Variants in DCDC1 observed in about 807,000 individuals in gnomAD.
DCDC1 encodes the protein doublecortin domain-containing protein 1.
In DCDC1, 200 loss-of-function variants were observed where a neutral mutation model predicts 178.3. That is an observed-to-expected ratio of 1.12 (90% confidence interval 1.00 to 1.26). The LOEUF (loss-of-function observed/expected upper bound fraction) is 1.26. DCDC1 is among the 50% of genes most tolerant of loss of function. DCDC1 has a pLI of 0.00. For missense variants in DCDC1, 1,983 were observed against 1,749.2 expected (o/e 1.13, Z -2.38); for synonymous variants, 690 against 604.8 (o/e 1.14, Z -2.07).
intron 9 of DCDC1, among the ~76,000 whole-genome samples, chr11:31,171,266 A>G (rs1197809065): frequency 6.6e-6 from 1 of 152,076 alleles, no homozygotes; most frequent in Non-Finnish European, 1.5e-5. Flanking sequence ...AGTGTTTTCA[A>G]TTTTTCTGGC....
At chr11:31,271,426 A>G (rs889709878) in intron 7 of DCDC1, among the ~76,000 whole-genome samples, 2 of 152,182 alleles carry the variant, frequency 1.3e-5, no homozygotes, top group Non-Finnish European at 2.9e-5. Flanking sequence ...CTTGAAAATT[A>G]AATCTCCCCA....
chr11:31,256,632 C>T (rs1247351320), intron 8 of DCDC1, among the ~76,000 whole-genome samples: 2 of 152,060 alleles, frequency 1.3e-5, no homozygotes, highest in Non-Finnish European at 2.9e-5. Context: ...TGTTTGTTTG[C>T]CTTTAACTTC....
chr11:30,878,052 G>A (rs558511608), intron 38 of DCDC1, among the ~76,000 whole-genome samples: 5 of 152,120 alleles, frequency 3.3e-5, no homozygotes, highest in African/African-American at 9.6e-5. Flanking sequence ...AAAATCCACC[G>A]AAGATAGTTA....
chr11:30,943,201 T>TA (rs1326639836), intron 21 of DCDC1: 1 of 152,334 alleles, frequency 6.6e-6, no homozygotes, highest in African/African-American at 2.4e-5. Context: ...TTTTTTTTTT[T>TA]ATCTCTCTCT....
At chr11:31,042,617 T>C (rs1954541230) in intron 20 of DCDC1, among the ~76,000 whole-genome samples, 1 of 152,180 alleles carries the variant, frequency 6.6e-6, no homozygotes, top group African/African-American at 2.4e-5. Flanking sequence ...CTATGACCGC[T>C]TCACACTAGT....
intron 20 of DCDC1, among the ~76,000 whole-genome samples, chr11:31,003,937 A>G: frequency 6.6e-6 from 1 of 152,178 alleles, no homozygotes; most frequent in South Asian, 2.1e-4. Flanking sequence ...GTATGTTGAC[A>G]TGAGGAGATG....
intron 20 of DCDC1, among the ~76,000 whole-genome samples, chr11:30,963,059 G>A (rs534845799): frequency 5.5e-4 from 84 of 152,118 alleles, no homozygotes; most frequent in African/African-American, 1.6e-3. Context: ...TGGTATCTCA[G>A]ATATTTGGTG....
At chr11:31,192,073 A>G (rs935766736) in intron 9 of DCDC1, among the ~76,000 whole-genome samples, 21 of 152,102 alleles carry the variant, frequency 1.4e-4, no homozygotes, top group Non-Finnish European at 8.8e-5. Context: ...TTCCTTATCC[A>G]GGTAATCACT....
At position 31,306,349 on chromosome 11, in the gene DCDC1, C is replaced by G; in HGVS notation, c.474G>C (p.Arg158=). Residue 158 remains arginine, a synonymous_variant, in exon 5 of 39, where the codon CGG becomes CGC. Coordinates refer to ENST00000684477, the MANE Select transcript of DCDC1 (RefSeq NM_001387274.1). The part of the protein sequence containing the change: ...EFSSLKFQSA[R]NWQKLSQRHK... ...GTCTTTGAGACAATTTCTGCCAATT[C>G]CGGGCTGACTGAAATTTTAAAGAAG... 1 of 1,608,592 alleles carries G rather than the reference C, an allele frequency of 6.2e-7. No homozygotes were observed. The highest frequency in any genetic ancestry group is 8.5e-7 in the Non-Finnish European group (1 of 1,177,504).
At chr11:31,230,949 T>C (rs1285005706) in intron 9 of DCDC1, among the ~76,000 whole-genome samples, 1 of 151,972 alleles carries the variant, frequency 6.6e-6, no homozygotes, top group Non-Finnish European at 1.5e-5. Flanking sequence ...ATTCAGGAAG[T>C]TATGAAATTT....
At chr11:31,342,328 T>C (rs370254600) in intron 1 of DCDC1, among the ~76,000 whole-genome samples, 248 of 152,338 alleles carry the variant, frequency 1.6e-3, no homozygotes, top group South Asian at 2.7e-3. Context: ...TCTCTTGCAC[T>C]TTCTAACTAT....
intron 9 of DCDC1, among the ~76,000 whole-genome samples, chr11:31,202,268 C>T (rs573252408): frequency 5.3e-5 from 8 of 152,214 alleles, no homozygotes; most frequent in African/African-American, 9.6e-5. Context: ...AACTTTAAAG[C>T]TACACAATTT....
At chr11:30,991,362 C>T (rs527869156) in intron 20 of DCDC1, among the ~76,000 whole-genome samples, 4 of 152,226 alleles carry the variant, frequency 2.6e-5, no homozygotes, top group Non-Finnish European at 5.9e-5. Context: ...AAAGGGGTCC[C>T]ATGCAAGGTC....
chr11:30,974,435 G>C (rs1252051454), intron 20 of DCDC1, among the ~76,000 whole-genome samples: 1 of 151,802 alleles, frequency 6.6e-6, no homozygotes, highest in Non-Finnish European at 1.5e-5. Context: ...TCGACAAAAA[G>C]TTGGTTTTTC....
At chr11:30,991,264 T>C (rs1267311964) in intron 20 of DCDC1, among the ~76,000 whole-genome samples, 2 of 151,920 alleles carry the variant, frequency 1.3e-5, no homozygotes, top group African/African-American at 4.8e-5. Context: ...ACTCCAGAAA[T>C]AGACTGTAAT....
Position 31,241,571 on chromosome 11 carries a change from C to T in DCDC1, c.1100G>A (p.Arg367Gln), listed in dbSNP as rs926170502. Residue 367 changes from arginine (R) to glutamine (Q), a missense_variant, in exon 9 of 39, where the codon CGA (arginine) becomes CAA (glutamine). Coordinates refer to ENST00000684477, the MANE Select transcript of DCDC1 (RefSeq NM_001387274.1). ...KCLQNSITPLRGLLWVSKGEG... is the reference protein window; with the variant it reads ...KCLQNSITPLQGLLWVSKGEG... Reference sequence around the variant, plus strand: ...TCCCTTAGAGACCCAAAGTAGTCCTCGCAAAGGTGTGATGGAATTTTGCAG... The same window carrying T: ...TCCCTTAGAGACCCAAAGTAGTCCTTGCAAAGGTGTGATGGAATTTTGCAG... 3.0e-5 allele frequency: 12 copies of T among 397,234 alleles called. No individual in the cohort carries two copies. The highest frequency in any genetic ancestry group is 2.5e-4 in the East Asian group (7 of 28,028). 24.6% of individuals were successfully genotyped at this position (397,234 alleles called of 1,614,324 possible). A position where few individuals can be genotyped will look rare whatever the true frequency, so the allele number is the denominator to read the frequency against.
intron 20 of DCDC1, among the ~76,000 whole-genome samples, chr11:30,990,312 C>T (rs1950905922): frequency 6.6e-6 from 1 of 152,166 alleles, no homozygotes; most frequent in South Asian, 2.1e-4. Context: ...AGGAGCATAA[C>T]CCAGAATCAT....
intron 1 of DCDC1, among the ~76,000 whole-genome samples, chr11:31,354,740 G>A (rs1442584908): frequency 6.6e-6 from 1 of 152,146 alleles, no homozygotes; most frequent in Non-Finnish European, 1.5e-5. Context: ...TTTAAAAATT[G>A]ACTTGAACGC....
chr11:31,143,853 T>C (rs1359900267), intron 9 of DCDC1, among the ~76,000 whole-genome samples: 1 of 152,174 alleles, frequency 6.6e-6, no homozygotes, highest in Non-Finnish European at 1.5e-5. Context: ...TGAGCAATAG[T>C]GATGGTTAAT....
Sources: gnomAD v4.1 joint callset for allele counts (sites outside exome capture counted in the v4.1 genomes callset) on GRCh38, gnomAD v4.1.1 for gene constraint, MANE v1.5 for transcripts, NCBI Gene and HGNC (gene_info 2026-07-23, HGNC 2026-07-21) for gene names.